Variants in USP6NL observed in about 807,000 individuals in gnomAD.
USP6NL encodes USP6 N-terminal-like protein.
In USP6NL, 26 loss-of-function variants were observed where a neutral mutation model predicts 61.9. The ratio of observed to expected loss-of-function variants is 0.42; its 90% CI spans 0.31 to 0.58. USP6NL has a LOEUF of 0.58. Ranked by LOEUF, USP6NL falls within the 20% of genes least tolerant of loss-of-function variation. The pLI, the probability that USP6NL is intolerant of heterozygous loss-of-function variation, is 0.16. For synonymous variants in USP6NL, 432 were observed against 390.1 expected (o/e 1.11, Z -1.27); for missense variants, 1,114 against 1,034.3 (o/e 1.08, Z -1.06).
At chr10:11,567,783 G>A (rs989373072) in intron 2 of USP6NL, among the ~76,000 whole-genome samples, 1 of 152,206 alleles carries the variant, frequency 6.6e-6, no homozygotes, top group Non-Finnish European at 1.5e-5. Context: ...GGCAGGCACT[G>A]TGTGAGTCCC....
chr10:11,531,241 A>G (rs527737301), intron 2 of USP6NL, among the ~76,000 whole-genome samples: 95 of 152,340 alleles, frequency 6.2e-4, no homozygotes, highest in Admixed American at 4.2e-3. Context: ...ATCAGTGTTA[A>G]AATAATTGTA....
chr10:11,494,048 C>G (rs1833811805), intron 7 of USP6NL, among the ~76,000 whole-genome samples: 1 of 152,180 alleles, frequency 6.6e-6, no homozygotes, highest in African/African-American at 2.4e-5. Context: ...CCTTTAGTAG[C>G]TCCTGTGAAA....
In USP6NL at chr10:11,463,188, G is replaced by A. The variant is rs769529161; in HGVS notation, c.1740C>T (p.Ala580=). The stretch of plus-strand genomic sequence containing the variant: ...GCTTTCTCGGGCTAGGAGGGTAAAG[G>A]GCATGCCGGGGGCTCTGGGAGTAAG... The part of the protein sequence containing the change: ...ERAYSQSPRH[A]LYPPSPRKHA... Residue 580 remains alanine, a synonymous_variant, in exon 15 of 15, where the codon GCC becomes GCT. Coordinates refer to ENST00000609104, the MANE Select transcript of USP6NL (RefSeq NM_014688.5). The surrounding 1 kb of genome is among the most constrained non-coding windows in gnomAD (Gnocchi z 6.3). The A allele has an allele frequency of 1.2e-6, 2 of 1,613,568 alleles. No homozygotes were observed. Among genetic ancestry groups the A allele is most frequent in the Non-Finnish European group, 1.7e-6 (2 of 1,179,878 alleles).
rs1301015044 is a variant in USP6NL, at chr10:11,521,341, ATAT to A, written c.156-2770_156-2768del. Among the ~76,000 whole-genome samples, 5 of 146,958 alleles carry A rather than the reference ATAT, an allele frequency of 3.4e-5. No individual in the cohort carries two copies. The South Asian group carries it at 8.4e-4, about 25-fold the overall frequency. ...TTATTATATATAAAATATATATTAT[ATAT>A]TATTATATTATATACATATATATTA... is the stretch of plus-strand genomic sequence containing the variant. On this transcript the variant is annotated intron_variant, in intron 4 of 14. Transcript: ENST00000609104.
chr10:11,565,346 G>T (rs908001289), intron 2 of USP6NL: 1 of 152,186 alleles, frequency 6.6e-6, no homozygotes, highest in African/African-American at 2.4e-5. Flanking sequence ...CATCCTTTAA[G>T]AATGTAGCAT....
In USP6NL at chr10:11,532,299, C is replaced by T; in HGVS notation, c.5-4732G>A. Reference sequence around the variant, plus strand: ...GTTCTCGAACACACCAAGAGTGCTGCCCGGCGGTACCTCACACATTCTGCA... The same window carrying T: ...GTTCTCGAACACACCAAGAGTGCTGTCCGGCGGTACCTCACACATTCTGCA... On this transcript the variant is annotated intron_variant, in intron 2 of 14. Coordinates refer to ENST00000609104, the MANE Select transcript of USP6NL (RefSeq NM_014688.5). The surrounding 1 kb of genome is among the most constrained non-coding windows in gnomAD (Gnocchi z 4.1). 2 of 1,352,648 alleles carry T rather than the reference C, an allele frequency of 1.5e-6. No individual in the cohort carries two copies. Among genetic ancestry groups the T allele is most frequent in the Non-Finnish European group, 2.0e-6 (2 of 992,520 alleles). 83.8% of individuals were successfully genotyped at this position (1,352,648 alleles called of 1,614,324 possible). A position where few individuals can be genotyped will look rare whatever the true frequency, so the allele number is the denominator to read the frequency against.
Position 11,528,122 on chromosome 10 carries a change from C to CACAG in USP6NL, c.5-556_5-555insCTGT, listed in dbSNP as rs1835493042. Among the ~76,000 whole-genome samples the CACAG allele has an allele frequency of 2.8e-5, 4 of 143,604 alleles. No homozygotes were observed. Among genetic ancestry groups the CACAG allele is most frequent in the Admixed American group, 2.1e-4 (3 of 14,478 alleles). 94.2% of individuals were successfully genotyped at this position (143,604 alleles called of 152,430 possible). A position where few individuals can be genotyped will look rare whatever the true frequency, so the allele number is the denominator to read the frequency against. ...TATCATACATATGTGTGTGGACACA[C>CACAG]ACACAGACACACACACACACACACA... On this transcript the variant is annotated intron_variant, in intron 2 of 14. Coordinates refer to ENST00000609104, the MANE Select transcript of USP6NL (RefSeq NM_014688.5). This position sits in a 1 kb window ranked among gnomAD's most constrained non-coding sequence, Gnocchi z 4.6.
chr10:11,511,878 TTA>T lies in USP6NL; in HGVS notation c.196-2205_196-2204del, dbSNP rs1487736481. 6.6e-6 allele frequency among the ~76,000 whole-genome samples: 1 copy of T among 151,480 alleles called. No homozygotes were observed. Among genetic ancestry groups the T allele is most frequent in the Non-Finnish European group, 1.5e-5 (1 of 67,840 alleles). ...CTTGGGAAGCTATAGGATCCGAAAA[TTA>T]TGTATCAGTATTCAATCAAGTTTAA... On this transcript the variant is annotated intron_variant, in intron 5 of 14. Transcript: ENST00000609104. This position sits in a 1 kb window ranked among gnomAD's most constrained non-coding sequence, Gnocchi z 4.9.
In USP6NL at chr10:11,482,854, T is replaced by C. The variant is rs1485896658; in HGVS notation, c.926-932A>G. The stretch of plus-strand genomic sequence containing the variant: ...TGGTTAATATGCCCAGAAAGAGTTT[T>C]TCTTTTTTTTAATTGGCTAATGACA... On this transcript the variant is annotated intron_variant, in intron 13 of 14. Coordinates refer to ENST00000609104, the MANE Select transcript of USP6NL (RefSeq NM_014688.5). The surrounding 1 kb of genome is among the most constrained non-coding windows in gnomAD (Gnocchi z 4.0). Among the ~76,000 whole-genome samples, 1 of 152,214 alleles carries C rather than the reference T, an allele frequency of 6.6e-6. No homozygotes were observed. The highest frequency in any genetic ancestry group is 2.4e-5 in the African/African-American group (1 of 41,462).
chr10:11,494,737 G>C (rs1833844382), intron 7 of USP6NL, among the ~76,000 whole-genome samples: 1 of 152,166 alleles, frequency 6.6e-6, no homozygotes, highest in Admixed American at 6.5e-5. Context: ...CAGAGAGAGA[G>C]AGGGAGACAG....
chr10:11,520,691 G>A lies in USP6NL; in HGVS notation c.156-2117C>T, dbSNP rs1835170162. ...TTAGGTCAGCAAACTATGGTGCATA[G>A]GCCAAATCTGGCCCACTGTGCATTT... On this transcript the variant is annotated intron_variant, in intron 4 of 14. Transcript: ENST00000609104. This position sits in a 1 kb window ranked among gnomAD's most constrained non-coding sequence, Gnocchi z 5.2. Among the ~76,000 whole-genome samples, 1 of 152,208 alleles carries A rather than the reference G, an allele frequency of 6.6e-6. No individual in the cohort carries two copies. The highest frequency in any genetic ancestry group is 2.4e-5 in the African/African-American group (1 of 41,468).
chr10:11,487,048 T>TA lies in USP6NL; in HGVS notation c.665-1138dup, dbSNP rs549042956. On this transcript the variant is annotated intron_variant, in intron 10 of 14. Coordinates refer to ENST00000609104, the MANE Select transcript of USP6NL (RefSeq NM_014688.5). This position sits in a 1 kb window ranked among gnomAD's most constrained non-coding sequence, Gnocchi z 4.2. ...ATATTTTTCAGTGAAATTGTTTCATTAAAAAAAAAAAATCCGTATCTATCA... is the reference window on the plus strand; with the variant it reads ...ATATTTTTCAGTGAAATTGTTTCATTAAAAAAAAAAAAATCCGTATCTATCA... Among the ~76,000 whole-genome samples, 367 of 145,374 alleles carry TA rather than the reference T, an allele frequency of 2.5e-3. No individual in the cohort carries two copies. The highest frequency in any genetic ancestry group is 0.018 in the South Asian group (82 of 4,594).
chr10:11,599,970 C>T (rs1194545929), intron 1 of USP6NL, among the ~76,000 whole-genome samples: 1 of 152,012 alleles, frequency 6.6e-6, no homozygotes, highest in Non-Finnish European at 1.5e-5. Flanking sequence ...CTCCGACCTA[C>T]TTTCAAAGTA....
intron 2 of USP6NL, among the ~76,000 whole-genome samples, chr10:11,551,154 A>G (rs1773501669): frequency 6.6e-6 from 1 of 152,234 alleles, no homozygotes; most frequent in Admixed American, 6.5e-5. Flanking sequence ...AAACAAAAAC[A>G]TTTATTTATA....
chr10:11,482,813 A>C lies in USP6NL; in HGVS notation c.926-891T>G, dbSNP rs2133226360. On this transcript the variant is annotated intron_variant, in intron 13 of 14. Transcript: ENST00000609104. The surrounding 1 kb of genome is among the most constrained non-coding windows in gnomAD (Gnocchi z 4.0). ...AAGAAAAAGGAAAAAATTTCTTATG[A>C]GCTTTAGCTAACTATTGGTTAATAT... Among the ~76,000 whole-genome samples the C allele has an allele frequency of 6.6e-6, 1 of 152,350 alleles. No individual in the cohort carries two copies. The highest frequency in any genetic ancestry group is 3.4e-3 in the Middle Eastern group (1 of 294).
Position 11,468,150 on chromosome 10 carries a change from A to G in USP6NL, c.1079-4301T>C, listed in dbSNP as rs1832558613. Among the ~76,000 whole-genome samples the G allele has an allele frequency of 1.3e-5, 2 of 152,148 alleles. No homozygotes were observed. The highest frequency in any genetic ancestry group is 4.8e-5 in the African/African-American group (2 of 41,422). On this transcript the variant is annotated intron_variant, in intron 14 of 14. Coordinates refer to ENST00000609104, the MANE Select transcript of USP6NL (RefSeq NM_014688.5). This position sits in a 1 kb window ranked among gnomAD's most constrained non-coding sequence, Gnocchi z 4.5. ...AAATCCATTTTTAATTAATCCATTT[A>G]TTGATTCTTGCCTCAGACAGGCATC... is the stretch of plus-strand genomic sequence containing the variant.
chr10:11,483,650 A>AGGGGGAGGGAG (rs1555161596), intron 13 of USP6NL, among the ~76,000 whole-genome samples: 1 of 490 alleles, frequency 2.0e-3, no homozygotes, highest in African/African-American at 8.2e-3. Flanking sequence ...GGAGGGGGAG[A>AGGGGGAGGGAG]GGGGGGAGAG....
chr10:11,594,858 T>C (rs1838276123), intron 2 of USP6NL, among the ~76,000 whole-genome samples: 1 of 152,228 alleles, frequency 6.6e-6, no homozygotes, highest in Non-Finnish European at 1.5e-5. Flanking sequence ...AATGAAATCA[T>C]CTTTTCTCCT....
chr10:11,532,032 C>T lies in USP6NL; in HGVS notation c.5-4465G>A, dbSNP rs1591896587. On this transcript the variant is annotated intron_variant, in intron 2 of 14. Coordinates refer to ENST00000609104, the MANE Select transcript of USP6NL (RefSeq NM_014688.5). This position sits in a 1 kb window ranked among gnomAD's most constrained non-coding sequence, Gnocchi z 4.1. ...TTGTATCTTAATGTCACTAAATTAG[C>T]ACCAAACTGCAATGAAAAATTCATA... 1 of 619,442 alleles carries T rather than the reference C, an allele frequency of 1.6e-6. No individual in the cohort carries two copies. The highest frequency in any genetic ancestry group is 3.6e-4 in the Middle Eastern group (1 of 2,786). 38.4% of individuals were successfully genotyped at this position (619,442 alleles called of 1,614,324 possible).
Sources: gnomAD v4.1 joint callset for allele counts (sites outside exome capture counted in the v4.1 genomes callset) on GRCh38, gnomAD v4.1.1 for gene constraint, Gnocchi (gnomAD v3.1) non-coding constraint, MANE v1.5 for transcripts, NCBI Gene and HGNC (gene_info 2026-07-23, HGNC 2026-07-21) for gene names.